Variants in SLC28A3 observed in about 807,000 individuals in gnomAD.
The protein encoded by SLC28A3 is concentrative Na(+)-nucleoside cotransporter 3.
A neutral mutation model predicts 84.2 loss-of-function variants in SLC28A3; 68 were observed. The observed-to-expected ratio is 0.81, with a 90% CI of 0.66 to 0.99. The LOEUF (loss-of-function observed/expected upper bound fraction) is 0.99. SLC28A3 is among the 50% of genes least tolerant of loss of function. The probability of loss-of-function intolerance (pLI) is 0.00; values close to 1 mark genes in which losing one functional copy is unlikely to be tolerated. For missense variants in SLC28A3, 712 were observed against 841.5 expected (o/e 0.85, Z 1.90); for synonymous variants, 267 against 303.6 (o/e 0.88, Z 1.25).
chr9:84,283,396 G>A (rs1428463642), intron 14 of SLC28A3, among the ~76,000 whole-genome samples: 4 of 152,330 alleles, frequency 2.6e-5, no homozygotes, highest in Non-Finnish European at 5.9e-5. Flanking sequence ...ATCAGCATGG[G>A]ACTGGTTAAG....
At chr9:84,365,372 A>G in the SLC28A3 span, among the ~76,000 whole-genome samples, 1 of 152,176 alleles carries the variant, frequency 6.6e-6, no homozygotes, top group Non-Finnish European at 1.5e-5. Flanking sequence ...TTGGATTATT[A>G]GATTTTTTTT....
the SLC28A3 span, among the ~76,000 whole-genome samples, chr9:84,356,638 AG>A: frequency 6.6e-6 from 1 of 152,054 alleles, no homozygotes; most frequent in East Asian, 1.9e-4. Flanking sequence ...GAGACCAGCC[AG>A]GCCAATATGG....
At chr9:84,307,445 A>AAACAAAAAAAG (rs1554726630) in intron 3 of SLC28A3, among the ~76,000 whole-genome samples, 2 of 146,460 alleles carry the variant, frequency 1.4e-5, no homozygotes, top group Non-Finnish European at 1.5e-5. Context: ...AAAAAAAAAA[A>AAACAAAAAAAG]CAAAAACAAA....
chr9:84,347,204 T>TA, the SLC28A3 span, among the ~76,000 whole-genome samples: 398 of 62,132 alleles, frequency 6.4e-3, 1 homozygote, highest in Non-Finnish European at 9.3e-3. Flanking sequence ...AGACTCTGTC[T>TA]AAAAAAAAAA....
At chr9:84,314,644 ACTTC>A (rs1462826431) in intron 1 of SLC28A3, among the ~76,000 whole-genome samples, 2 of 152,240 alleles carry the variant, frequency 1.3e-5, no homozygotes, top group African/African-American at 4.8e-5. Context: ...ATTGTGCCAT[ACTTC>A]CTTTTTTGTT....
the SLC28A3 span, among the ~76,000 whole-genome samples, chr9:84,349,425 C>T: frequency 2.0e-4 from 30 of 152,262 alleles, no homozygotes; most frequent in African/African-American, 5.1e-4. Flanking sequence ...TTGGTAGAGA[C>T]GGGGTTTCAC....
intron 1 of SLC28A3, 24 bp downstream of exon 1, chr9:84,340,550 A>G (rs371430834): frequency 1.9e-6 from 3 of 1,613,874 alleles, no homozygotes; most frequent in South Asian, 1.1e-5. Context: ...AAGGCCTTTA[A>G]CATAAGAGGA....
chr9:84,302,440 G>T, intron 4 of SLC28A3, 51 bp from the exon 5 acceptor site: 1 of 1,569,152 alleles, frequency 6.4e-7, no homozygotes, highest in Non-Finnish European at 8.7e-7. Context: ...ACTGGGACAC[G>T]CCTCCAGGCT....
chr9:84,330,361 T>C (rs924346034), intron 1 of SLC28A3, among the ~76,000 whole-genome samples: 16 of 152,212 alleles, frequency 1.1e-4, no homozygotes, highest in Non-Finnish European at 1.9e-4. Flanking sequence ...CTTTAATTTT[T>C]TGGCATAAAT....
chr9:84,317,509 G>A (rs1040891495), intron 1 of SLC28A3, among the ~76,000 whole-genome samples: 1 of 152,152 alleles, frequency 6.6e-6, no homozygotes, highest in African/African-American at 2.4e-5. Flanking sequence ...CATCATGGCT[G>A]GTTTGACATT....
intron 1 of SLC28A3, among the ~76,000 whole-genome samples, chr9:84,332,546 C>G (rs1826829744): frequency 6.6e-6 from 1 of 151,872 alleles, no homozygotes; most frequent in South Asian, 2.1e-4. Flanking sequence ...ATTGGAAAAA[C>G]CCATGAAGGT....
chr9:84,337,370 G>A (rs1305682307), intron 1 of SLC28A3, among the ~76,000 whole-genome samples: 1 of 152,002 alleles, frequency 6.6e-6, no homozygotes, highest in African/African-American at 2.4e-5. Context: ...GGTGTTGTTG[G>A]TATGATACTC....
At chr9:84,292,791 A>T in intron 9 of SLC28A3, 43 bp from the exon 10 acceptor site, 1 of 1,420,722 alleles carries the variant, frequency 7.0e-7, no homozygotes, top group South Asian at 1.4e-5. Flanking sequence ...AACTTTTTGT[A>T]TACCCAAAAC....
chr9:84,316,733 T>C lies in SLC28A3; in HGVS notation c.61-3279A>G, dbSNP rs533324653. Among the ~76,000 whole-genome samples the C allele has an allele frequency of 7.2e-5, 11 of 152,360 alleles. No homozygotes were observed. In the East Asian group the frequency reaches 1.9e-3, roughly 27 times the overall value. On this transcript the variant is annotated intron_variant, in intron 1 of 17. Coordinates refer to ENST00000376238, the MANE Select transcript of SLC28A3 (RefSeq NM_001199633.2). ...GTGTAAAACTCTTGTCTGGGCGTGG[T>C]GGCTTATGCCTGTAATCCCAGCACA...
the SLC28A3 span, among the ~76,000 whole-genome samples, chr9:84,360,440 A>G: frequency 6.6e-6 from 1 of 151,746 alleles, no homozygotes; most frequent in Non-Finnish European, 1.5e-5. Flanking sequence ...AGCCCTGGAG[A>G]TGTTTGAGGT....
Position 84,309,692 on chromosome 9 carries a change from T to C in SLC28A3, c.179A>G (p.Glu60Gly), listed in dbSNP as rs977758811. 6.2e-7 allele frequency: 1 copy of C among 1,613,994 alleles called. No homozygotes were observed. Reference sequence around the variant, plus strand: ...TTCTCTGTTTCTTGGAGAATCCTGCTCAACTGTGACCTGTTCTTCATCCTG... The same window carrying C: ...TTCTCTGTTTCTTGGAGAATCCTGCCCAACTGTGACCTGTTCTTCATCCTG... ...TKQDEEQVTV[E>G]QDSPRNREHM... Residue 60 changes from glutamate to glycine, a missense_variant, in exon 3 of 18, where the codon GAG becomes GGG. Transcript: ENST00000376238.
chr9:84,349,348 T>C, the SLC28A3 span, among the ~76,000 whole-genome samples: 2 of 152,218 alleles, frequency 1.3e-5, no homozygotes, highest in African/African-American at 2.4e-5. Context: ...GGGATCCTTC[T>C]GCTTCAGCCT....
the SLC28A3 span, among the ~76,000 whole-genome samples, chr9:84,355,277 CT>C: frequency 6.6e-6 from 1 of 151,972 alleles, no homozygotes; most frequent in Non-Finnish European, 1.5e-5. Context: ...ACCCCTGCCT[CT>C]GAAAAAAGAA....
upstream of SLC28A3, among the ~76,000 whole-genome samples, chr9:84,344,124 A>G (rs1425829393): frequency 6.6e-6 from 1 of 151,812 alleles, no homozygotes; most frequent in African/African-American, 2.4e-5. Flanking sequence ...ATCTTGCCCA[A>G]ATTATGATCT....
Sources: gnomAD v4.1 joint callset for allele counts (sites outside exome capture counted in the v4.1 genomes callset) on GRCh38, gnomAD v4.1.1 for gene constraint, MANE v1.5 for transcripts, NCBI Gene and HGNC (gene_info 2026-07-23, HGNC 2026-07-21) for gene names.